CCDC88B: variants seen among roughly 807,000 people sequenced by gnomAD.
CCDC88B encodes the protein coiled-coil domain-containing protein 88B.
In CCDC88B, 138 loss-of-function variants were observed where a neutral mutation model predicts 183.7. That is an observed-to-expected ratio of 0.75 (90% CI 0.65 to 0.87). The LOEUF is 0.87. Among genes scored for constraint, CCDC88B ranks in the 40% least tolerant of loss-of-function variants. The pLI, the probability that CCDC88B is intolerant of heterozygous loss-of-function variation, is 0.00. For synonymous variants in CCDC88B, 835 were observed against 867.5 expected (o/e 0.96, Z 0.66); for missense variants, 1,822 against 1,965.6 (o/e 0.93, Z 1.38).
Position 64,344,872 on chromosome 11 carries a change from C to T in CCDC88B, c.2331C>T (p.Ala777=), listed in dbSNP as rs370160464. The change falls in exon 14 of 27, where the codon GCC becomes GCT. Residue 777 remains alanine, a synonymous_variant. Transcript: ENST00000356786. The surrounding 1 kb of genome is among the most constrained non-coding windows in gnomAD (Gnocchi z 4.5). ...KELAQARRAE[A]EAHREAEAQA... ...TGGCCCAAGCGCGAAGGGCAGAGGCCGAGGCCCACCGGGAGGCAGAGGCCC... is the reference window on the plus strand; with the variant it reads ...TGGCCCAAGCGCGAAGGGCAGAGGCTGAGGCCCACCGGGAGGCAGAGGCCC... 8.3e-5 allele frequency: 133 copies of T among 1,603,232 alleles called. No individual in the cohort carries two copies. The highest frequency in any genetic ancestry group is 1.0e-4 in the Non-Finnish European group (117 of 1,175,080).
rs762889598 is a variant in CCDC88B, at chr11:64,342,119, G to C, written c.801G>C (p.Leu267=). 2.5e-6 allele frequency: 4 copies of C among 1,609,550 alleles called. No individual in the cohort carries two copies. The East Asian group carries it at 6.7e-5, about 27-fold the overall frequency. ...AGCTGGCCAACGCCAAGGCTCAGCT[G>C]CGGCGTCTGCGGCAGGAGCTGTGAG... ...ALQLANAKAQ[L]RRLRQELEEK... The change falls in exon 8 of 27, where the codon CTG becomes CTC. Residue 267 remains leucine, a synonymous_variant. Coordinates refer to ENST00000356786, the MANE Select transcript of CCDC88B (RefSeq NM_032251.6).
At position 64,352,329 on chromosome 11, in the gene CCDC88B, G is replaced by T; in HGVS notation, c.3299G>T (p.Arg1100Leu). The T allele has an allele frequency of 6.5e-7, 1 of 1,548,244 alleles. No individual in the cohort carries two copies. ...AELEGLLVRH[R>L]DLKANMRALE... ...CTAGAGGGACTGCTGGTGCGGCACCGAGACCTCAAGGCCAACATGCGGGCA... is the reference window on the plus strand; with the variant it reads ...CTAGAGGGACTGCTGGTGCGGCACCTAGACCTCAAGGCCAACATGCGGGCA... The change falls in exon 19 of 27, where the codon CGA becomes CTA. Residue 1100 changes from arginine to leucine, a missense_variant. Arg to Leu is a moderately radical substitution (Grantham distance 102). Transcript: ENST00000356786.
chr11:64,340,719 A>T lies in CCDC88B; in HGVS notation c.173A>T (p.Asp58Val). The part of the protein sequence containing the change: ...WLEKRFLRLS[D>V]GALLLRVLGI... Reference sequence around the variant, plus strand: ...GAGAAGAGATTCCTGCGCCTCAGCGATGGGGCCCTGCTCCTCCGGGTGCTG... The same window carrying T: ...GAGAAGAGATTCCTGCGCCTCAGCGTTGGGGCCCTGCTCCTCCGGGTGCTG... The change falls in exon 2 of 27, where the codon GAT becomes GTT. Residue 58 changes from aspartate (D) to valine (V), a missense_variant. By Grantham distance (152) the Asp-to-Val change is radical. Transcript: ENST00000356786. 1 of 1,612,076 alleles carries T rather than the reference A, an allele frequency of 6.2e-7. No individual in the cohort carries two copies. The highest frequency in any genetic ancestry group is 8.5e-7 in the Non-Finnish European group (1 of 1,179,630).
Position 64,343,928 on chromosome 11 carries a change from C to T in CCDC88B, c.1455+14C>T. 6.3e-7 allele frequency: 1 copy of T among 1,590,730 alleles called. No homozygotes were observed. On this transcript the variant is annotated intron_variant, in intron 13 of 26. Transcript: ENST00000356786. ...CCAGGGGGCCAGGTAAGTCCCCTCC[C>T]CCAGGGTCCTGGCCGGCCCTTCCCC...
intron 21 of CCDC88B, 31 bp downstream of exon 21, chr11:64,353,271 C>T (rs1214659653): frequency 3.8e-6 from 6 of 1,568,118 alleles, no homozygotes; most frequent in East Asian, 4.6e-5. Context: ...GGGGTATGGG[C>T]GTGTGGTGGG....
chr11:64,340,398 C>CG (rs2035783688), intron 1 of CCDC88B, 72 bp downstream of exon 1: 2 of 1,165,562 alleles, frequency 1.7e-6, no homozygotes, highest in Non-Finnish European at 2.2e-6. Flanking sequence ...TGGCGCTGGC[C>CG]GGGGGAGGGT....
rs1199873469 is a variant in CCDC88B at position 64,352,635 on chromosome 11, C to A, written c.3357-109C>A. On this transcript the variant is annotated intron_variant, in intron 19 of 26. Coordinates refer to ENST00000356786, the MANE Select transcript of CCDC88B (RefSeq NM_032251.6). Reference sequence around the variant, plus strand: ...TGCCCAATGGCTTCCTCTGGGGGACCTAGGCTTAGGAGGTGACAGACCCCC... The same window carrying A: ...TGCCCAATGGCTTCCTCTGGGGGACATAGGCTTAGGAGGTGACAGACCCCC... 7 of 1,513,826 alleles carry A rather than the reference C, an allele frequency of 4.6e-6. No individual in the cohort carries two copies. The East Asian group carries it at 1.1e-4, about 25-fold the overall frequency. The allele number at this position is 1,513,826 out of a possible 1,614,324, so 93.8% of individuals were successfully genotyped here.
intron 19 of CCDC88B, 95 bp from the exon 20 acceptor site, chr11:64,352,649 T>TGACA: frequency 6.4e-7 from 1 of 1,554,424 alleles, no homozygotes; most frequent in Non-Finnish European, 8.7e-7. Context: ...GCTTAGGAGG[T>TGACA]GACAGACCCC....
Position 64,355,283 on chromosome 11 carries a change from A to G in CCDC88B, c.4189A>G (p.Ser1397Gly), listed in dbSNP as rs1301731553. 3 of 1,586,356 alleles carry G rather than the reference A, an allele frequency of 1.9e-6. No homozygotes were observed. Among genetic ancestry groups the G allele is most frequent in the Non-Finnish European group, 2.6e-6 (3 of 1,167,620 alleles). ...GGCAGGCGGGCAGCGGCGGAAACTC[A>G]GCTCAAGGTTCCCGGTGGGGCGAAG... ...TLAGGQRRKLSSRFPVGRSSE... is the reference protein window; with the variant it reads ...TLAGGQRRKLGSRFPVGRSSE... Residue 1397 changes from serine (S) to glycine (G), a missense_variant, in exon 25 of 27, where the codon AGC (serine) becomes GGC (glycine). Coordinates refer to ENST00000356786, the MANE Select transcript of CCDC88B (RefSeq NM_032251.6).
chr11:64,344,050 G>A lies in CCDC88B; in HGVS notation c.1509G>A (p.Glu503=), dbSNP rs149069335. Residue 503 remains glutamate (E), a synonymous_variant, in exon 14 of 27, where the codon GAG becomes GAA. Transcript: ENST00000356786. The surrounding 1 kb of genome is among the most constrained non-coding windows in gnomAD (Gnocchi z 4.5). ...REDPVLPVLE[E]APQTPVAFDH... ...ACCCTGTTCTTCCAGTGCTGGAGGA[G>A]GCTCCCCAGACTCCTGTGGCCTTCG... 10 of 1,583,550 alleles carry A rather than the reference G, an allele frequency of 6.3e-6. No homozygotes were observed. The African/African-American group carries it at 1.2e-4, about 19-fold the overall frequency.
intron 8 of CCDC88B, 59 bp downstream of exon 8, chr11:64,342,198 G>A (rs2035894486): frequency 6.3e-7 from 1 of 1,591,208 alleles, no homozygotes; most frequent in Non-Finnish European, 8.5e-7. Context: ...AAGCCTGGAT[G>A]GGACCCTAGC....
chr11:64,340,908 G>A lies in CCDC88B; in HGVS notation c.208G>A (p.Ala70Thr). The change falls in exon 3 of 27, where the codon GCC (alanine) becomes ACC (threonine). Residue 70 changes from alanine to threonine, a missense_variant and splice_region_variant. Coordinates refer to ENST00000356786, the MANE Select transcript of CCDC88B (RefSeq NM_032251.6). ...ALLLRVLGII[A>T]PSSRGGPRML... ...CTCGAGCCCACCTCCGGCTCATAGT[G>A]CCCCCAGCTCCCGAGGGGGACCTCG... 1 of 1,548,774 alleles carries A rather than the reference G, an allele frequency of 6.5e-7. No homozygotes were observed. Among genetic ancestry groups the A allele is most frequent in the Non-Finnish European group, 8.7e-7 (1 of 1,147,562 alleles).
rs754084006 is a variant in CCDC88B at position 64,351,494 on chromosome 11, G to C, written c.2977G>C (p.Glu993Gln). 25 of 1,588,390 alleles carry C rather than the reference G, an allele frequency of 1.6e-5. No homozygotes were observed. The South Asian group carries it at 2.7e-4, about 17-fold the overall frequency. ...TGGGCAGAATGCGATGCTGGTGGCA[G>C]AGAAGGCAGCTTTGCAGGGGCAGCT... ...VERSNAMLVA[E>Q]KAALQGQLQH... The change falls in exon 18 of 27, where the codon GAG becomes CAG. Residue 993 changes from glutamate to glutamine, a missense_variant. Glu to Gln is a conservative substitution (Grantham distance 29, BLOSUM62 2). Coordinates refer to ENST00000356786, the MANE Select transcript of CCDC88B (RefSeq NM_032251.6).
At chr11:64,351,758 A>G in intron 18 of CCDC88B, 142 bp downstream of exon 18, 1 of 1,129,526 alleles carries the variant, frequency 8.9e-7, no homozygotes, top group East Asian at 2.7e-5. Flanking sequence ...TTGTCCTCTG[A>G]CCCCAGCCAC....
chr11:64,343,110 T>C, intron 10 of CCDC88B, 69 bp from the exon 11 acceptor site: 1 of 1,435,276 alleles, frequency 7.0e-7, no homozygotes, highest in Non-Finnish European at 9.2e-7. Context: ...GGGGAAGGAG[T>C]TTGGGACCCT....
At chr11:64,351,090 C>T (rs1565054394) in intron 16 of CCDC88B, 70 bp from the exon 17 acceptor site, 18 of 1,154,056 alleles carry the variant, frequency 1.6e-5, no homozygotes, top group Admixed American at 6.6e-5. Flanking sequence ...GGTCCATAAG[C>T]GCAGGTCCTT....
Position 64,343,793 on chromosome 11 carries a change from C to A in CCDC88B, c.1334C>A (p.Ala445Glu). Residue 445 changes from alanine (A) to glutamate (E), a missense_variant, in exon 13 of 27, where the codon GCG becomes GAG. Transcript: ENST00000356786. ...TCATCCTCAGCACCCCTAGCAGGAG[C>A]GGCCCCCTCGCTGCAAGATGAGGTG... ...GSPGEAPLAG[A>E]APSLQDEVRE... 1 of 1,577,294 alleles carries A rather than the reference C, an allele frequency of 6.3e-7. No individual in the cohort carries two copies.
Position 64,343,991 on chromosome 11 carries a change from C to A in CCDC88B, c.1456-6C>A, listed in dbSNP as rs1168270102. On this transcript the variant is annotated splice_polypyrimidine_tract_variant and splice_region_variant and intron_variant, in intron 13 of 26. Coordinates refer to ENST00000356786, the MANE Select transcript of CCDC88B (RefSeq NM_032251.6). ...GGGCCTGACTGTCCCTCTCGTATGC[C>A]CTCAGCACCCCCTGCTGGAGGCACC... is the stretch of plus-strand genomic sequence containing the variant. 6.4e-7 allele frequency: 1 copy of A among 1,554,560 alleles called. No homozygotes were observed. Among genetic ancestry groups the A allele is most frequent in the Non-Finnish European group, 8.7e-7 (1 of 1,148,348 alleles).
rs200509973 is a variant in CCDC88B, at chr11:64,344,799, G to A, written c.2258G>A (p.Arg753His). The A allele has an allele frequency of 6.8e-6, 11 of 1,612,848 alleles. No individual in the cohort carries two copies. The highest frequency in any genetic ancestry group is 4.0e-5 in the African/African-American group (3 of 74,916). ...GGAGATGAGCTGGAAGCCCAGGCCC[G>A]CAAGCTGGAGGCCCAAAACACGGAG... ...ALGDELEAQA[R>H]KLEAQNTEAA... is the part of the protein sequence containing the mutation. The change falls in exon 14 of 27, where the codon CGC (arginine) becomes CAC (histidine). Residue 753 changes from arginine (R) to histidine (H), a missense_variant. Transcript: ENST00000356786. The surrounding 1 kb of genome is among the most constrained non-coding windows in gnomAD (Gnocchi z 4.5).
Sources: gnomAD v4.1 joint callset for allele counts on GRCh38, gnomAD v4.1.1 for gene constraint, Gnocchi (gnomAD v3.1) non-coding constraint, MANE v1.5 for transcripts, NCBI Gene and HGNC (gene_info 2026-07-23, HGNC 2026-07-21) for gene names.